The following NLGN1 variants were observed in gnomAD, a reference collection of about 807,000 sequenced individuals.
The protein encoded by NLGN1 is neuroligin-1.
NLGN1 carries 12 observed loss-of-function variants against 65.5 expected under a neutral mutation model. The ratio of observed to expected loss-of-function variants is 0.18; its 90% CI spans 0.12 to 0.30. The LOEUF is 0.30. NLGN1 is among the 10% of genes least tolerant of loss of function. NLGN1 has a pLI of 1.00. For missense variants in NLGN1, 750 were observed against 1,007.1 expected, an observed-to-expected ratio of 0.74 and a Z score of 3.46; for synonymous variants, 350 against 359.5, an observed-to-expected ratio of 0.97 and a Z score of 0.30.
intron 4 of NLGN1, among the ~76,000 whole-genome samples, chr3:174,154,747 G>A (rs148781093): frequency 1.5e-4 from 23 of 150,660 alleles, no homozygotes; most frequent in African/African-American, 5.4e-4. Context: ...TTGTGCATAT[G>A]TTTGTATGTA....
At chr3:173,915,086 A>G (rs2152239225) in intron 4 of NLGN1, 1 of 152,320 alleles carries the variant, frequency 6.6e-6, no homozygotes, top group East Asian at 1.9e-4. Flanking sequence ...TGGTTGGAGC[A>G]ACATATTAAC....
At chr3:173,618,548 C>G (rs1753498403) in intron 3 of NLGN1, among the ~76,000 whole-genome samples, 1 of 152,064 alleles carries the variant, frequency 6.6e-6, no homozygotes, top group Admixed American at 6.6e-5. Flanking sequence ...AGCCAGAAAT[C>G]ACTTTATAAA....
intron 1 of NLGN1, among the ~76,000 whole-genome samples, chr3:173,412,453 A>G (rs1187575145): frequency 6.6e-6 from 1 of 152,194 alleles, no homozygotes; most frequent in Non-Finnish European, 1.5e-5. Context: ...GGTTGAGAGA[A>G]TTAAAATCCT....
chr3:174,285,223 C>T (rs1751974258), exon 7 of NLGN1: 1 of 151,438 alleles, frequency 6.6e-6, no homozygotes, highest in African/African-American at 2.4e-5. Flanking sequence ...AAGAAGCTGT[C>T]AAATATGGCA....
intron 2 of NLGN1, among the ~76,000 whole-genome samples, chr3:173,595,244 A>G (rs1260635582): frequency 6.6e-6 from 1 of 152,146 alleles, no homozygotes; most frequent in East Asian, 1.9e-4. Flanking sequence ...AACAGCTCCC[A>G]AGTCACCTCT....
At chr3:174,263,865 T>G (rs866360096) in intron 4 of NLGN1, among the ~76,000 whole-genome samples, 1 of 150,784 alleles carries the variant, frequency 6.6e-6, no homozygotes, top group Admixed American at 6.6e-5. Flanking sequence ...AGGAGCTCTT[T>G]TAGGGCAGGC....
intron 1 of NLGN1, among the ~76,000 whole-genome samples, chr3:173,426,258 A>G (rs1716082194): frequency 6.6e-6 from 1 of 152,040 alleles, no homozygotes; most frequent in South Asian, 2.1e-4. Context: ...TCTAAGTATA[A>G]GATTATGTCA....
Position 173,450,873 on chromosome 3 carries a change from A to G in NLGN1, c.-321+15795A>G, listed in dbSNP as rs1422338443. 3.3e-5 allele frequency among the ~76,000 whole-genome samples: 5 copies of G among 152,150 alleles called. No individual in the cohort carries two copies. In the South Asian group the frequency reaches 6.2e-4, roughly 19 times the overall value. Reference sequence around the variant, plus strand: ...TCGCGTCGGTTACTGAGGCTTGTGCATTCGTCACGTAGTTCTCATGCCATG... The same window carrying G: ...TCGCGTCGGTTACTGAGGCTTGTGCGTTCGTCACGTAGTTCTCATGCCATG... On this transcript the variant is annotated intron_variant, in intron 2 of 6. Coordinates refer to ENST00000457714, the Ensembl canonical transcript of NLGN1.
intron 4 of NLGN1, among the ~76,000 whole-genome samples, chr3:174,049,838 G>C (rs997535480): frequency 1.3e-5 from 2 of 152,074 alleles, no homozygotes; most frequent in African/African-American, 4.8e-5. Context: ...AGGGAAATAA[G>C]CTAAGTAATC....
chr3:174,083,509 A>G lies in NLGN1; in HGVS notation c.647-191806A>G, dbSNP rs181810247. 5.2e-3 allele frequency among the ~76,000 whole-genome samples: 798 copies of G among 152,318 alleles called. 3 individuals are homozygous for G. The highest frequency in any genetic ancestry group is 0.017 in the Middle Eastern group (5 of 294). ...AATATTCAGTGTTCTTCGAAAACACATAGTGAATTCCTGGAATTTAATTTA... is the reference window on the plus strand; with the variant it reads ...AATATTCAGTGTTCTTCGAAAACACGTAGTGAATTCCTGGAATTTAATTTA... On this transcript the variant is annotated intron_variant, in intron 4 of 6. Coordinates refer to ENST00000457714, the Ensembl canonical transcript of NLGN1.
At chr3:173,637,244 G>A (rs1756739002) in intron 3 of NLGN1, among the ~76,000 whole-genome samples, 1 of 152,024 alleles carries the variant, frequency 6.6e-6, no homozygotes, top group South Asian at 2.1e-4. Flanking sequence ...TATCTAGAAG[G>A]CAGTTTATCA....
intron 3 of NLGN1, among the ~76,000 whole-genome samples, chr3:173,727,074 T>C (rs1466080654): frequency 6.6e-6 from 1 of 152,136 alleles, no homozygotes; most frequent in African/African-American, 2.4e-5. Flanking sequence ...AGGCAGCGTC[T>C]ATCAATTGAG....
chr3:174,136,884 G>T (rs1490400944), intron 4 of NLGN1, among the ~76,000 whole-genome samples: 1 of 152,006 alleles, frequency 6.6e-6, no homozygotes, highest in East Asian at 1.9e-4. Flanking sequence ...ACTAATGATG[G>T]GGTTGCATTT....
chr3:173,835,052 C>T (rs1723343256), intron 4 of NLGN1, among the ~76,000 whole-genome samples: 1 of 152,064 alleles, frequency 6.6e-6, no homozygotes. Context: ...ACTAATAATC[C>T]CTCTAAATGT....
At position 173,830,449 on chromosome 3, in the gene NLGN1, T is replaced by G. The variant is rs536422991; in HGVS notation, c.646+22617T>G. ...GGCAAGTTATTTATGAAATGGGCCT[T>G]TTGAAAATGTATAGCTTTTATAATC... On this transcript the variant is annotated intron_variant, in intron 4 of 6. Transcript: ENST00000457714. Among the ~76,000 whole-genome samples, 6 of 152,288 alleles carry G rather than the reference T, an allele frequency of 3.9e-5. No homozygotes were observed. The South Asian group carries it at 1.2e-3, about 32-fold the overall frequency.
chr3:174,209,739 T>G (rs1004481941), intron 4 of NLGN1, among the ~76,000 whole-genome samples: 1 of 150,212 alleles, frequency 6.7e-6, no homozygotes, highest in Admixed American at 6.6e-5. Flanking sequence ...TTCAAGTGAT[T>G]CTCCTGCCTC....
chr3:173,790,621 C>T (rs1712496620), intron 3 of NLGN1, among the ~76,000 whole-genome samples: 1 of 151,944 alleles, frequency 6.6e-6, no homozygotes, highest in Non-Finnish European at 1.5e-5. Context: ...GTGGGGACAA[C>T]CTAATTCTAA....
rs140977569 is a variant in NLGN1 at position 174,281,174 on chromosome 3, T to C, written c.2343T>C (p.Ile781=). The C allele has an allele frequency of 6.6e-4, 1,062 of 1,613,248 alleles. 12 individuals carry two copies. The African/African-American group carries it at 0.012, about 19-fold the overall frequency. ...TTCCCTTAATGACACCCAACACCAT[T>C]ACAATGATTCCCAACACTATACCAG... is the stretch of plus-strand genomic sequence containing the variant. The change falls in exon 7 of 7, where the codon ATT becomes ATC. Residue 781 remains isoleucine (I), a synonymous_variant. Transcript: ENST00000457714.
At chr3:173,730,979 T>C (rs546519530) in intron 3 of NLGN1, among the ~76,000 whole-genome samples, 8 of 152,086 alleles carry the variant, frequency 5.3e-5, no homozygotes, top group Non-Finnish European at 1.0e-4. Context: ...GAGGCCATGA[T>C]ATGTGCCTTG....
Sources: gnomAD v4.1 joint callset for allele counts (sites outside exome capture counted in the v4.1 genomes callset) on GRCh38, gnomAD v4.1.1 for gene constraint, MANE v1.5 for transcripts, NCBI Gene and HGNC (gene_info 2026-07-23, HGNC 2026-07-21) for gene names.